TSEN2: variants seen among roughly 807,000 people sequenced by gnomAD.
The protein encoded by TSEN2 is tRNA-splicing endonuclease subunit Sen2.
TSEN2 carries 54 observed loss-of-function variants against 59.2 expected under a neutral mutation model. That is an observed-to-expected ratio of 0.91 (90% CI 0.73 to 1.14). The LOEUF (loss-of-function observed/expected upper bound fraction) is 1.14. TSEN2 is among the 50% of genes most tolerant of loss of function. TSEN2 has a pLI of 0.00. For synonymous variants in TSEN2, 195 were observed against 198.2 expected (o/e 0.98, Z 0.14); for missense variants, 636 against 576.2 (o/e 1.10, Z -1.06).
chr3:12,510,589 CT>C (rs1194033646), intron 6 of TSEN2, among the ~76,000 whole-genome samples: 17 of 152,188 alleles, frequency 1.1e-4, no homozygotes, highest in Middle Eastern at 3.2e-3. Flanking sequence ...TCAGTCAGAT[CT>C]CGTTTACGCA....
intron 6 of TSEN2, among the ~76,000 whole-genome samples, chr3:12,512,600 A>C (rs966606472): frequency 2.6e-5 from 4 of 152,258 alleles, no homozygotes; most frequent in Non-Finnish European, 5.9e-5. Flanking sequence ...GGTCTTTCAC[A>C]CACACAGTGA....
chr3:12,506,062 G>A (rs908566190), intron 6 of TSEN2, among the ~76,000 whole-genome samples: 7 of 152,148 alleles, frequency 4.6e-5, no homozygotes, highest in African/African-American at 1.4e-4. Context: ...GTGGATTTCG[G>A]ATTGGCTGAA....
chr3:12,508,883 CAG>C (rs1376716196), intron 6 of TSEN2, among the ~76,000 whole-genome samples: 1 of 152,126 alleles, frequency 6.6e-6, no homozygotes, highest in Non-Finnish European at 1.5e-5. Context: ...TTTTTAGAGA[CAG>C]GGTTTCTCTC....
At chr3:12,487,909 T>A (rs1203861557) in intron 1 of TSEN2, among the ~76,000 whole-genome samples, 3 of 152,228 alleles carry the variant, frequency 2.0e-5, no homozygotes, top group Non-Finnish European at 2.9e-5. Flanking sequence ...GAACCTTATT[T>A]AGAAATTAAT....
intron 4 of TSEN2, among the ~76,000 whole-genome samples, chr3:12,498,162 C>T (rs2053941418): frequency 6.6e-6 from 1 of 151,744 alleles, no homozygotes. Context: ...CTTTTAAGGA[C>T]ACCAGTCACT....
intron 3 of TSEN2, among the ~76,000 whole-genome samples, chr3:12,496,064 C>G (rs1392090780): frequency 1.3e-5 from 2 of 152,220 alleles, no homozygotes; most frequent in Non-Finnish European, 2.9e-5. Flanking sequence ...CTCCCAAATC[C>G]ACATCCAAAA....
In TSEN2 at chr3:12,489,721, C is replaced by T. The variant is rs2124923930; in HGVS notation, c.-17-63C>T. The T allele has an allele frequency of 3.6e-6, 5 of 1,405,256 alleles. No individual in the cohort carries two copies. The South Asian group carries it at 3.6e-5, about 10-fold the overall frequency. 87.0% of individuals were successfully genotyped at this position (1,405,256 alleles called of 1,614,324 possible). On this transcript the variant is annotated intron_variant, in intron 1 of 11. Coordinates refer to ENST00000284995, the MANE Select transcript of TSEN2 (RefSeq NM_025265.4). ...CTGAGCCTAGGTACAGATGTACTCACATTTTGGATCAAGGTAGTTATTGAT... is the reference window on the plus strand; with the variant it reads ...CTGAGCCTAGGTACAGATGTACTCATATTTTGGATCAAGGTAGTTATTGAT...
At chr3:12,499,689 C>T (rs1193189163) in intron 4 of TSEN2, among the ~76,000 whole-genome samples, 2 of 152,146 alleles carry the variant, frequency 1.3e-5, no homozygotes, top group African/African-American at 2.4e-5. Context: ...TGGGTGTGCA[C>T]ACCAGCACTC....
upstream of TSEN2, among the ~76,000 whole-genome samples, chr3:12,482,451 T>C (rs1272119919): frequency 6.6e-6 from 1 of 152,372 alleles, no homozygotes; most frequent in East Asian, 1.9e-4. Context: ...CTGTTTTCTC[T>C]ACTTTTGTGT....
rs779825393 is a variant in TSEN2 at position 12,503,558 on chromosome 3, C to A, written c.605C>A (p.Thr202Lys). The A allele has an allele frequency of 6.2e-7, 1 of 1,609,110 alleles. No individual in the cohort carries two copies. The highest frequency in any genetic ancestry group is 1.1e-5 in the South Asian group (1 of 90,908). ...CAGGAGGGCTCTGGCTGCCACCCAA[C>A]AACAGAGAGCTTTGAGAAAAGCGTG... Reference protein sequence around the residue: ...CLQEGSGCHPTTESFEKSVRE... With the variant: ...CLQEGSGCHPKTESFEKSVRE... The change falls in exon 5 of 12, where the codon ACA (threonine) becomes AAA (lysine). Residue 202 changes from threonine (T) to lysine (K), a missense_variant. Thr to Lys is a moderately conservative substitution (Grantham distance 78). Transcript: ENST00000284995.
chr3:12,531,774 C>T (rs1313839104), intron 11 of TSEN2, 115 bp downstream of exon 11: 1 of 752,468 alleles, frequency 1.3e-6, no homozygotes, highest in South Asian at 1.5e-5. Context: ...GTAACAGAGC[C>T]TTCTCAGGCA....
At chr3:12,528,986 A>G in intron 9 of TSEN2, 62 bp downstream of exon 9, 1 of 1,588,548 alleles carries the variant, frequency 6.3e-7, no homozygotes, top group South Asian at 1.1e-5. Flanking sequence ...TCTGGCCTCT[A>G]ATTTAACTTT....
intron 9 of TSEN2, 134 bp downstream of exon 9, chr3:12,529,058 T>A (rs1165320023): frequency 1.2e-6 from 1 of 846,766 alleles, no homozygotes; most frequent in East Asian, 2.4e-5. Context: ...TGCTATATGT[T>A]CATGCCTCCT....
At chr3:12,486,149 A>T (rs888230567) in intron 1 of TSEN2, among the ~76,000 whole-genome samples, 3 of 152,202 alleles carry the variant, frequency 2.0e-5, no homozygotes, top group Non-Finnish European at 4.4e-5. Flanking sequence ...GGATGACTAT[A>T]GTACCCACAT....
chr3:12,529,012 C>A, intron 9 of TSEN2, 88 bp downstream of exon 9: 1 of 1,360,262 alleles, frequency 7.4e-7, no homozygotes, highest in South Asian at 1.2e-5. Flanking sequence ...GCCATAGGAA[C>A]AAAAGTCATG....
intron 7 of TSEN2, among the ~76,000 whole-genome samples, chr3:12,517,215 G>A (rs1344501967): frequency 2.6e-5 from 4 of 151,912 alleles, no homozygotes; most frequent in Admixed American, 6.6e-5. Flanking sequence ...AAAATTAGCC[G>A]GGCGTGTTGG....
chr3:12,493,841 A>G (rs1050947146), intron 3 of TSEN2, among the ~76,000 whole-genome samples: 4 of 152,208 alleles, frequency 2.6e-5, no homozygotes, highest in South Asian at 2.1e-4. Context: ...ATGAAGTCCA[A>G]TTTATCTATT....
At position 12,533,001 on chromosome 3, in the gene TSEN2, G is replaced by T; in HGVS notation, c.*280G>T. The stretch of plus-strand genomic sequence containing the variant: ...TTTTCCCTCATCCACTCACTGGGGA[G>T]ATTGGACTAGAGGAGTCCTGAGAGG... On this transcript the variant is annotated 3_prime_UTR_variant, in exon 12 of 12. Transcript: ENST00000284995. 1.9e-6 allele frequency: 1 copy of T among 528,028 alleles called. No individual in the cohort carries two copies. Among genetic ancestry groups the T allele is most frequent in the Non-Finnish European group, 3.4e-6 (1 of 295,152 alleles). The allele number at this position is 528,028 out of a possible 1,614,324, so 32.7% of individuals were successfully genotyped here. A position where few individuals can be genotyped will look rare whatever the true frequency, so the allele number is the denominator to read the frequency against.
In TSEN2 at chr3:12,529,751, G is replaced by A. The variant is rs1450875613; in HGVS notation, c.1137-11G>A. Reference sequence around the variant, plus strand: ...TGATTACTTTTAACATGCTTTTTCTGTATTTTCCAGTTATTCTGTCATTAT... The same window carrying A: ...TGATTACTTTTAACATGCTTTTTCTATATTTTCCAGTTATTCTGTCATTAT... On this transcript the variant is annotated splice_polypyrimidine_tract_variant and intron_variant, in intron 9 of 11. Coordinates refer to ENST00000284995, the MANE Select transcript of TSEN2 (RefSeq NM_025265.4). 1 of 1,611,914 alleles carries A rather than the reference G, an allele frequency of 6.2e-7. No homozygotes were observed. Among genetic ancestry groups the A allele is most frequent in the East Asian group, 2.2e-5 (1 of 44,866 alleles).
Sources: allele counts gnomAD v4.1 joint callset (sites outside exome capture counted in the v4.1 genomes callset), GRCh38; gene constraint gnomAD v4.1.1; transcripts MANE v1.5; gene names NCBI Gene and HGNC (gene_info 2026-07-23, HGNC 2026-07-21).